COL4A1: variants seen among roughly 807,000 people sequenced by gnomAD.
The protein encoded by COL4A1 is collagen alpha-1(IV) chain.
In COL4A1, 40 loss-of-function variants were observed where a neutral mutation model predicts 216.6. That is an observed-to-expected ratio of 0.18 (90% confidence interval 0.14 to 0.24). The LOEUF is 0.24. Among genes scored for constraint, COL4A1 ranks in the 10% least tolerant of loss-of-function variants. The probability of loss-of-function intolerance (pLI) is 1.00; values close to 1 mark genes in which losing one functional copy is unlikely to be tolerated. For missense variants in COL4A1, 1,628 were observed against 2,196.8 expected, an observed-to-expected ratio of 0.74 and a Z score of 5.18; for synonymous variants, 839 against 810.7, an observed-to-expected ratio of 1.03 and a Z score of -0.59.
At chr13:110,191,995 A>G (rs1310228262) in intron 24 of COL4A1, among the ~76,000 whole-genome samples, 1 of 152,230 alleles carries the variant, frequency 6.6e-6, no homozygotes, top group African/African-American at 2.4e-5. Context: ...ACCAGGTGAG[A>G]AGAAAGGCAG....
chr13:110,287,292 A>C (rs1033617598), intron 1 of COL4A1, among the ~76,000 whole-genome samples: 14 of 152,228 alleles, frequency 9.2e-5, no homozygotes, highest in African/African-American at 3.4e-4. Flanking sequence ...CAAGCCAGAC[A>C]GCCTGCCGTC....
Position 110,207,542 on chromosome 13 carries a change from A to C in COL4A1, c.694-53T>G. On this transcript the variant is annotated intron_variant, in intron 12 of 51. Coordinates refer to ENST00000375820, the MANE Select transcript of COL4A1 (RefSeq NM_001845.6). This position sits in a 1 kb window ranked among gnomAD's most constrained non-coding sequence, Gnocchi z 4.4. Reference sequence around the variant, plus strand: ...TAGGCATGAAAACAATTATGCAGACATGAAAAATTGCAGAGAGAGGTAAAA... The same window carrying C: ...TAGGCATGAAAACAATTATGCAGACCTGAAAAATTGCAGAGAGAGGTAAAA... 1 of 1,450,480 alleles carries C rather than the reference A, an allele frequency of 6.9e-7. No homozygotes were observed. Among genetic ancestry groups the C allele is most frequent in the Non-Finnish European group, 9.7e-7 (1 of 1,032,316 alleles). The allele number at this position is 1,450,480 out of a possible 1,614,324, so 89.9% of individuals were successfully genotyped here.
chr13:110,266,354 G>GAGTAGTTCCAACTCTGTCGCCACGA (rs1883033631), intron 1 of COL4A1, among the ~76,000 whole-genome samples: 1 of 152,164 alleles, frequency 6.6e-6, no homozygotes, highest in African/African-American at 2.4e-5. Flanking sequence ...AACCCGCCTG[G>GAGTAGTTCCAACTCTGTCGCCACGA]AGTAGTTCCA....
At chr13:110,208,652 A>G (rs1879628696) in intron 12 of COL4A1, among the ~76,000 whole-genome samples, 197 bp downstream of exon 12, 1 of 152,200 alleles carries the variant, frequency 6.6e-6, no homozygotes, top group South Asian at 2.1e-4. Context: ...ACTTCCATAA[A>G]TTCTAGCGTA....
rs183728092 is a variant in COL4A1 at position 110,155,448 on chromosome 13, C to T, written c.4641-51G>A. 28 of 1,286,218 alleles carry T rather than the reference C, an allele frequency of 2.2e-5. 1 individual carries two copies. In the East Asian group the frequency reaches 3.5e-4, roughly 16 times the overall value. 79.7% of individuals were successfully genotyped at this position (1,286,218 alleles called of 1,614,324 possible). Reference sequence around the variant, plus strand: ...CACAGCCGGGGTGCAGGGCAGAGGCCGCCCTCCATGCACTGCCCCGTTACC... The same window carrying T: ...CACAGCCGGGGTGCAGGGCAGAGGCTGCCCTCCATGCACTGCCCCGTTACC... On this transcript the variant is annotated intron_variant, in intron 49 of 51. Coordinates refer to ENST00000375820, the MANE Select transcript of COL4A1 (RefSeq NM_001845.6).
intron 1 of COL4A1, among the ~76,000 whole-genome samples, chr13:110,244,685 C>A (rs1165414753): frequency 6.6e-6 from 1 of 152,170 alleles, no homozygotes; most frequent in East Asian, 1.9e-4. Flanking sequence ...TATTGTCAGG[C>A]TTATCACGTT....
intron 1 of COL4A1, among the ~76,000 whole-genome samples, chr13:110,280,730 G>C (rs1439788620): frequency 3.3e-5 from 5 of 152,114 alleles, no homozygotes; most frequent in Non-Finnish European, 7.4e-5. Flanking sequence ...TCATCTTGGT[G>C]CTATTCTGAG....
At chr13:110,265,046 G>C (rs935062157) in intron 1 of COL4A1, among the ~76,000 whole-genome samples, 8 of 152,246 alleles carry the variant, frequency 5.3e-5, no homozygotes, top group Non-Finnish European at 1.0e-4. Flanking sequence ...CTGGGCTGTG[G>C]GCGCCGTCCC....
chr13:110,292,719 A>C (rs377162321), intron 1 of COL4A1, among the ~76,000 whole-genome samples: 11 of 152,166 alleles, frequency 7.2e-5, no homozygotes, highest in Middle Eastern at 3.2e-3. Context: ...CATGGGGGAA[A>C]CTGCCCCCAT....
chr13:110,208,875 T>G lies in COL4A1; in HGVS notation c.667A>C (p.Ser223Arg). The change falls in exon 12 of 52, where the codon AGT becomes CGT. Residue 223 changes from serine to arginine, a missense_variant. By Grantham distance (110) the Ser-to-Arg change is moderately radical. Around this residue, in one of 8 missense-constraint regions of COL4A1, gnomAD observed 23 missense variants for 66.0 expected, o/e 0.35. Transcript: ENST00000375820. ...PPGEKGQMGLSFQGPKGDKGD... is the reference protein window; with the variant it reads ...PPGEKGQMGLRFQGPKGDKGD... The stretch of plus-strand genomic sequence containing the variant: ...TTGTCACCTTTTGGTCCTTGAAAAC[T>G]TAAGCCCATTTGTCCCTGTGGATTA... 6.2e-7 allele frequency: 1 copy of G among 1,614,182 alleles called. No individual in the cohort carries two copies. Among genetic ancestry groups the G allele is most frequent in the Non-Finnish European group, 8.5e-7 (1 of 1,180,022 alleles).
At chr13:110,162,085 CTTTTT>C (rs1877110816) in intron 48 of COL4A1, 140 bp downstream of exon 48, 4 of 819,750 alleles carry the variant, frequency 4.9e-6, no homozygotes, top group Non-Finnish European at 8.4e-6. Flanking sequence ...GGCCGGGCTG[CTTTTT>C]CACTGGCTAC....
chr13:110,303,843 A>G (rs186924845), intron 1 of COL4A1, among the ~76,000 whole-genome samples: 1 of 152,360 alleles, frequency 6.6e-6, no homozygotes, highest in East Asian at 1.9e-4. Context: ...AGGTCATGGC[A>G]GGAAGGAGGT....
chr13:110,249,949 T>C (rs576022819), intron 1 of COL4A1, among the ~76,000 whole-genome samples: 8 of 152,338 alleles, frequency 5.3e-5, no homozygotes, highest in African/African-American at 1.7e-4. Flanking sequence ...CTCAAAATCA[T>C]TGTGCTTTCA....
At chr13:110,166,500 C>T (rs1378933272) in intron 44 of COL4A1, among the ~76,000 whole-genome samples, 197 bp from the exon 45 acceptor site, 1 of 152,156 alleles carries the variant, frequency 6.6e-6, no homozygotes, top group Non-Finnish European at 1.5e-5. Context: ...CATACATATA[C>T]ACATACATAT....
intron 49 of COL4A1, 152 bp from the exon 50 acceptor site, chr13:110,155,549 C>T: frequency 2.8e-6 from 2 of 703,454 alleles, no homozygotes; most frequent in Non-Finnish European, 5.2e-6. Context: ...ATTGCTTAGA[C>T]TCTGAGGTTT....
intron 2 of COL4A1, among the ~76,000 whole-genome samples, chr13:110,234,681 T>C (rs187849405): frequency 6.6e-6 from 1 of 152,318 alleles, no homozygotes; most frequent in African/African-American, 2.4e-5. Flanking sequence ...ACTATCTTAT[T>C]ACAGGCTCTG....
chr13:110,282,421 C>T (rs1883667405), intron 1 of COL4A1, among the ~76,000 whole-genome samples: 1 of 152,176 alleles, frequency 6.6e-6, no homozygotes, highest in South Asian at 2.1e-4. Context: ...ATTGTGTCTC[C>T]TCAATGCCAT....
intron 26 of COL4A1, 139 bp from the exon 27 acceptor site, chr13:110,183,415 GT>G: frequency 1.3e-6 from 1 of 786,718 alleles, no homozygotes; most frequent in Non-Finnish European, 2.1e-6. Flanking sequence ...CTCTGCCTGT[GT>G]TCTCCACTTC....
chr13:110,167,939 A>T (rs887259482), intron 43 of COL4A1, among the ~76,000 whole-genome samples: 20 of 152,254 alleles, frequency 1.3e-4, no homozygotes, highest in African/African-American at 4.8e-4. Context: ...AAACATATAT[A>T]CAAACACATA....
Sources: gnomAD v4.1 joint callset for allele counts (sites outside exome capture counted in the v4.1 genomes callset) on GRCh38, gnomAD v4.1.1 for gene constraint, gnomAD v4.1.1 regional missense constraint, Gnocchi (gnomAD v3.1) non-coding constraint, MANE v1.5 for transcripts, NCBI Gene and HGNC (gene_info 2026-07-23, HGNC 2026-07-21) for gene names.